The following DPY19L2 variants were observed in gnomAD, a reference collection of about 807,000 sequenced individuals.
DPY19L2 encodes the protein dpy-19 like 2.
In DPY19L2, 34 loss-of-function variants were observed where a neutral mutation model predicts 97.9. That is an observed-to-expected ratio of 0.35 (90% CI 0.26 to 0.46). The LOEUF is 0.46. Ranked by LOEUF, DPY19L2 falls within the 20% of genes least tolerant of loss-of-function variation. The probability of loss-of-function intolerance (pLI) is 1.00; values close to 1 mark genes in which losing one functional copy is unlikely to be tolerated. For synonymous variants in DPY19L2, 230 were observed against 307.9 expected (o/e 0.75, Z 2.65); for missense variants, 623 against 911.4 (o/e 0.68, Z 4.07).
intron 16 of DPY19L2, among the ~76,000 whole-genome samples, chr12:63,585,133 A>G (rs1881566780): frequency 1.3e-5 from 2 of 152,072 alleles, no homozygotes; most frequent in Admixed American, 1.3e-4. Context: ...CAGCATGAAC[A>G]GTATGGATAC....
intron 12 of DPY19L2, among the ~76,000 whole-genome samples, chr12:63,603,889 C>T (rs1199787539): frequency 6.6e-6 from 1 of 152,140 alleles, no homozygotes; most frequent in African/African-American, 2.4e-5. Flanking sequence ...AACTATATTA[C>T]AAGGCTGCAA....
intron 6 of DPY19L2, among the ~76,000 whole-genome samples, chr12:63,638,962 G>A (rs1385692693): frequency 6.6e-6 from 1 of 151,998 alleles, no homozygotes; most frequent in Non-Finnish European, 1.5e-5. Flanking sequence ...TATACTACAA[G>A]GCTACAGTAA....
At chr12:63,643,135 T>A (rs1480444473) in intron 6 of DPY19L2, among the ~76,000 whole-genome samples, 1 of 152,130 alleles carries the variant, frequency 6.6e-6, no homozygotes, top group African/African-American at 2.4e-5. Flanking sequence ...AATTTTCTTA[T>A]TATTGCAAAT....
intron 11 of DPY19L2, among the ~76,000 whole-genome samples, chr12:63,613,449 G>A (rs1887340708): frequency 6.6e-6 from 1 of 151,992 alleles, no homozygotes; most frequent in Non-Finnish European, 1.5e-5. Context: ...CTGAACAGAA[G>A]GGAACTTCTT....
At chr12:63,639,152 T>A (rs7486192) in intron 6 of DPY19L2, among the ~76,000 whole-genome samples, 104,938 of 151,524 alleles carry the variant, frequency 0.69, 36,892 homozygotes, top group African/African-American at 0.8. Context: ...GCTAGCCATA[T>A]GTAGGAAGCT....
upstream of DPY19L2, chr12:63,668,590 T>A: frequency 5.0e-6 from 3 of 603,248 alleles, no homozygotes; most frequent in South Asian, 6.2e-5. Flanking sequence ...GGGCAGTCCC[T>A]GAGTGTCCCC....
chr12:63,561,063 G>A (rs2971479), intron 21 of DPY19L2, among the ~76,000 whole-genome samples: 2 of 152,066 alleles, frequency 1.3e-5, no homozygotes, highest in African/African-American at 2.4e-5. Context: ...ATTTTTTAGC[G>A]TAAACTGCCT....
At chr12:63,570,647 T>TTG (rs34668144) in intron 20 of DPY19L2, 111 bp downstream of exon 20, 13,689 of 564,452 alleles carry the variant, frequency 0.024, 198 homozygotes, top group African/African-American at 0.079. Flanking sequence ...GAGGATGAGT[T>TTG]TGTGTGTGTG....
intron 6 of DPY19L2, among the ~76,000 whole-genome samples, chr12:63,633,610 T>C (rs1053893161): frequency 2.5e-4 from 38 of 152,144 alleles, no homozygotes; most frequent in South Asian, 1.0e-3. Context: ...TTTTACACTG[T>C]TGGTGGGACT....
chr12:63,603,884 T>C (rs1223923678), intron 12 of DPY19L2, among the ~76,000 whole-genome samples: 1 of 152,114 alleles, frequency 6.6e-6, no homozygotes, highest in Non-Finnish European at 1.5e-5. Flanking sequence ...CTTCAAACTA[T>C]ATTACAAGGC....
chr12:63,652,796 G>T (rs535015456), intron 4 of DPY19L2, among the ~76,000 whole-genome samples: 79 of 129,252 alleles, frequency 6.1e-4, no homozygotes, highest in African/African-American at 2.1e-3. Flanking sequence ...TGAGGAGGGT[G>T]AGGACTGAAT....
intron 6 of DPY19L2, among the ~76,000 whole-genome samples, chr12:63,626,840 G>A (rs1032280587): frequency 1.3e-4 from 20 of 151,894 alleles, no homozygotes; most frequent in Admixed American, 3.9e-4. Context: ...GTGCAGTGTC[G>A]AAATCTCAGC....
intron 21 of DPY19L2, among the ~76,000 whole-genome samples, chr12:63,561,920 GA>G (rs1193865659): frequency 2.2e-4 from 34 of 152,246 alleles, no homozygotes; most frequent in African/African-American, 7.9e-4. Flanking sequence ...CAATGCATGA[GA>G]GTTTAAGTTG....
chr12:63,617,836 GT>G (rs1463550364), intron 10 of DPY19L2, among the ~76,000 whole-genome samples: 2 of 152,048 alleles, frequency 1.3e-5, no homozygotes, highest in African/African-American at 4.8e-5. Flanking sequence ...TTCAGTTAGA[GT>G]GTCATATTCA....
At chr12:63,653,401 A>G (rs1894540259) in intron 4 of DPY19L2, among the ~76,000 whole-genome samples, 1 of 152,040 alleles carries the variant, frequency 6.6e-6, no homozygotes, top group Non-Finnish European at 1.5e-5. Flanking sequence ...GTCTACAAAA[A>G]ATTCAAAAAA....
At chr12:63,578,947 T>G (rs1021785146) in intron 19 of DPY19L2, among the ~76,000 whole-genome samples, 3 of 152,014 alleles carry the variant, frequency 2.0e-5, no homozygotes, top group African/African-American at 7.2e-5. Flanking sequence ...CAATGTCAAC[T>G]GTGCTAAGGT....
In DPY19L2 at chr12:63,580,843, C is replaced by T. The variant is rs1310810690; in HGVS notation, c.1726-7G>A. ...GAAAAAGCCAGCCAAAGAGCTGAAA[C>T]GAAAGAAACCGTTTATTTCTAGTTC... On this transcript the variant is annotated splice_polypyrimidine_tract_variant and splice_region_variant and intron_variant, in intron 18 of 21. Coordinates refer to ENST00000324472, the MANE Select transcript of DPY19L2 (RefSeq NM_173812.5). 5.4e-5 allele frequency: 87 copies of T among 1,609,216 alleles called. No homozygotes were observed. The highest frequency in any genetic ancestry group is 3.4e-4 in the South Asian group (31 of 90,238).
In DPY19L2 at chr12:63,559,945, T is replaced by C. The variant is rs1410949041; in HGVS notation, c.*567A>G. 1.3e-5 allele frequency: 2 copies of C among 152,116 alleles called. No homozygotes were observed. The highest frequency in any genetic ancestry group is 4.8e-5 in the African/African-American group (2 of 41,412). The allele number at this position is 152,116 out of a possible 1,614,324, so 9.4% of individuals were successfully genotyped here. A position where few individuals can be genotyped will look rare whatever the true frequency, so the allele number is the denominator to read the frequency against. On this transcript the variant is annotated 3_prime_UTR_variant, in exon 22 of 22. Transcript: ENST00000324472. Reference sequence around the variant, plus strand: ...AAAGTGTTTTTAAAAACACTTCAACTTGAAATTATTAAAAAAAAGTATTAA... The same window carrying C: ...AAAGTGTTTTTAAAAACACTTCAACCTGAAATTATTAAAAAAAAGTATTAA...
rs752235509 is a variant in DPY19L2 at position 63,578,703 on chromosome 12, A to C, written c.1900+1959T>G. ...ATTTCTTTATATGCCTCAAATTTGA[A>C]AATATGTAAGCTAGTCAAAGAATGT... On this transcript the variant is annotated intron_variant, in intron 19 of 21. Transcript: ENST00000324472. Among the ~76,000 whole-genome samples, 60 of 152,210 alleles carry C rather than the reference A, an allele frequency of 3.9e-4. 1 individual carries two copies. The highest frequency in any genetic ancestry group is 7.9e-4 in the Admixed American group (12 of 15,286).
Sources: allele counts gnomAD v4.1 joint callset (sites outside exome capture counted in the v4.1 genomes callset), GRCh38; gene constraint gnomAD v4.1.1; transcripts MANE v1.5; gene names NCBI Gene and HGNC (gene_info 2026-07-23, HGNC 2026-07-21).